Variants in UBP1 observed in about 807,000 individuals in gnomAD.
UBP1 encodes upstream-binding protein 1.
UBP1 carries 22 observed loss-of-function variants against 76.1 expected under a neutral mutation model. The observed-to-expected ratio is 0.29, with a 90% CI of 0.21 to 0.41. The LOEUF is 0.41. Among genes scored for constraint, UBP1 ranks in the 10% least tolerant of loss-of-function variants. UBP1 has a pLI of 1.00. For missense variants in UBP1, 436 were observed against 668.1 expected (o/e 0.65, Z 3.83); for synonymous variants, 224 against 237.1 (o/e 0.94, Z 0.51).
chr3:33,399,645 G>A (rs1377532515), intron 11 of UBP1, among the ~76,000 whole-genome samples: 1 of 152,194 alleles, frequency 6.6e-6, no homozygotes, highest in East Asian at 1.9e-4. Context: ...GACTAGGGAT[G>A]GTGGGGGAAG....
At chr3:33,428,807 C>CAA (rs374441678) in intron 1 of UBP1, among the ~76,000 whole-genome samples, 5 of 93,572 alleles carry the variant, frequency 5.3e-5, no homozygotes, top group African/African-American at 1.2e-4. Context: ...TCCTACGTCT[C>CAA]AAAAAAAAAA....
intron 3 of UBP1, among the ~76,000 whole-genome samples, chr3:33,413,546 CAA>C (rs926941278): frequency 1.6e-4 from 9 of 55,396 alleles, no homozygotes; most frequent in Non-Finnish European, 1.5e-4. Flanking sequence ...GACTCCATCA[CAA>C]AAAAAAAAAA....
At position 33,426,775 on chromosome 3, in the gene UBP1, G is replaced by A. The variant is rs140448399; in HGVS notation, c.114-1034C>T. On this transcript the variant is annotated intron_variant, in intron 1 of 15. Coordinates refer to ENST00000283629, the MANE Select transcript of UBP1 (RefSeq NM_014517.5). ...TACCAATGCTTCATTCTTTTTAATG[G>A]CTCCATTCCATTGTATAGGCATACC... 4.6e-5 allele frequency among the ~76,000 whole-genome samples: 7 copies of A among 152,152 alleles called. 1 individual carries two copies. The highest frequency in any genetic ancestry group is 1.7e-4 in the African/African-American group (7 of 41,510).
chr3:33,423,188 T>C (rs111305540), intron 2 of UBP1, among the ~76,000 whole-genome samples: 11,602 of 152,022 alleles, frequency 0.076, 514 homozygotes, highest in East Asian at 0.098. Context: ...TACAGGTGTG[T>C]GCCACCATGC....
chr3:33,433,961 T>C (rs2045158847), intron 1 of UBP1, among the ~76,000 whole-genome samples: 1 of 151,618 alleles, frequency 6.6e-6, no homozygotes, highest in South Asian at 2.1e-4. Context: ...TCATAGAACC[T>C]ACAGCTAAGA....
chr3:33,400,047 A>C, intron 11 of UBP1, 142 bp downstream of exon 11: 1 of 468,240 alleles, frequency 2.1e-6, no homozygotes, highest in East Asian at 3.6e-5. Context: ...TGGGGGATAG[A>C]TATAAAGAAC....
chr3:33,409,410 T>A, intron 6 of UBP1, 39 bp downstream of exon 6: 1 of 1,613,944 alleles, frequency 6.2e-7, no homozygotes, highest in Admixed American at 1.7e-5. Flanking sequence ...CAGGCAAAAC[T>A]GAGCCTTAAT....
Position 33,411,773 on chromosome 3 carries a change from A to G in UBP1, c.449-86T>C. The G allele has an allele frequency of 7.3e-6, 8 of 1,090,896 alleles. No homozygotes were observed. In the Middle Eastern group the frequency reaches 1.2e-3, roughly 164 times the overall value. The allele number at this position is 1,090,896 out of a possible 1,614,324, so 67.6% of individuals were successfully genotyped here. A position where few individuals can be genotyped will look rare whatever the true frequency, so the allele number is the denominator to read the frequency against. On this transcript the variant is annotated intron_variant, in intron 4 of 15. Coordinates refer to ENST00000283629, the MANE Select transcript of UBP1 (RefSeq NM_014517.5). ...ACTTACTATATTATGTTCTAATGAA[A>G]TAACTGTAACTGCTTTGAACTCTGT...
intron 8 of UBP1, among the ~76,000 whole-genome samples, chr3:33,404,063 C>A (rs2044345163): frequency 6.6e-6 from 1 of 152,122 alleles, no homozygotes; most frequent in African/African-American, 2.4e-5. Flanking sequence ...GAGTTCAAGA[C>A]CAGCCTGGGC....
chr3:33,428,512 C>T (rs1173323480), intron 1 of UBP1, among the ~76,000 whole-genome samples: 1 of 151,976 alleles, frequency 6.6e-6, no homozygotes, highest in African/African-American at 2.4e-5. Context: ...ATTTTATATG[C>T]TTCAGATCCT....
chr3:33,429,391 C>T (rs2045076362), intron 1 of UBP1, among the ~76,000 whole-genome samples: 1 of 151,902 alleles, frequency 6.6e-6, no homozygotes, highest in Non-Finnish European at 1.5e-5. Context: ...CTCTGTCTCC[C>T]AGGCTGGAGT....
Position 33,402,844 on chromosome 3 carries a change from T to C in UBP1, c.988A>G (p.Thr330Ala). 6.2e-7 allele frequency: 1 copy of C among 1,607,936 alleles called. No homozygotes were observed. The highest frequency in any genetic ancestry group is 8.5e-7 in the Non-Finnish European group (1 of 1,177,912). The change falls in exon 9 of 16, where the codon ACT (threonine) becomes GCT (alanine). Residue 330 changes from threonine (T) to alanine (A), a missense_variant. Physicochemically the swap from Thr to Ala is moderately conservative, Grantham distance 58. Coordinates refer to ENST00000283629, the MANE Select transcript of UBP1 (RefSeq NM_014517.5). Reference sequence around the variant, plus strand: ...GTGCTCTGCTGTGGGGAGGTGAAAGTGGGCGCTGGGGAAGGGCTGTTATTC... The same window carrying C: ...GTGCTCTGCTGTGGGGAGGTGAAAGCGGGCGCTGGGGAAGGGCTGTTATTC... Reference protein sequence around the residue: ...YVNNSPSPAPTFTSPQQSTCS... With the variant: ...YVNNSPSPAPAFTSPQQSTCS...
At chr3:33,420,948 G>A (rs2044874790) in intron 2 of UBP1, among the ~76,000 whole-genome samples, 1 of 152,138 alleles carries the variant, frequency 6.6e-6, no homozygotes, top group South Asian at 2.1e-4. Context: ...AGTAGAATTT[G>A]GTCTCCAAAT....
At chr3:33,401,042 A>G (rs369751400) in intron 9 of UBP1, 26 bp from the exon 10 acceptor site, 38 of 1,578,010 alleles carry the variant, frequency 2.4e-5, no homozygotes, top group East Asian at 2.1e-4. Flanking sequence ...AAAGAAGGAA[A>G]TGATGATTTT....
intron 14 of UBP1, 123 bp from the exon 15 acceptor site, chr3:33,392,737 C>T: frequency 1.1e-6 from 1 of 877,198 alleles, no homozygotes; most frequent in Non-Finnish European, 1.7e-6. Flanking sequence ...AACGATAATT[C>T]ATGAAGGCAG....
chr3:33,430,327 G>C (rs1474858384), intron 1 of UBP1, among the ~76,000 whole-genome samples: 1 of 152,204 alleles, frequency 6.6e-6, no homozygotes, highest in East Asian at 1.9e-4. Context: ...AGAACAACTA[G>C]ATGCTCAGGG....
intron 13 of UBP1, among the ~76,000 whole-genome samples, chr3:33,395,022 A>G (rs1362187671): frequency 2.0e-5 from 3 of 152,162 alleles, no homozygotes; most frequent in African/African-American, 7.2e-5. Flanking sequence ...ATATTTCCCC[A>G]TATCCCTCCA....
intron 15 of UBP1, chr3:33,391,688 T>G (rs1016561502): frequency 1.8e-4 from 28 of 152,394 alleles, no homozygotes; most frequent in African/African-American, 6.7e-4. Flanking sequence ...TGGAGCCCAC[T>G]GGGACCCTGT....
chr3:33,423,804 A>C (rs2044960373), intron 2 of UBP1, among the ~76,000 whole-genome samples: 1 of 152,238 alleles, frequency 6.6e-6, no homozygotes. Flanking sequence ...TAAGGTTAAC[A>C]CATGTATTTA....
Sources: allele counts gnomAD v4.1 joint callset (sites outside exome capture counted in the v4.1 genomes callset), GRCh38; gene constraint gnomAD v4.1.1; transcripts MANE v1.5; gene names NCBI Gene and HGNC (gene_info 2026-07-23, HGNC 2026-07-21).